SRGAP3: variants seen among roughly 807,000 people sequenced by gnomAD.
The protein encoded by SRGAP3 is SLIT-ROBO Rho GTPase activating protein 3.
A neutral mutation model predicts 121.1 loss-of-function variants in SRGAP3; 39 were observed. That is an observed-to-expected ratio of 0.32 (90% CI 0.25 to 0.42). The LOEUF is 0.42. Among genes scored for constraint, SRGAP3 ranks in the 10% least tolerant of loss-of-function variants. SRGAP3 has a pLI of 1.00. For missense variants in SRGAP3, 1,213 were observed against 1,470.6 expected, an observed-to-expected ratio of 0.82 and a Z score of 2.86; for synonymous variants, 601 against 570.0, an observed-to-expected ratio of 1.05 and a Z score of -0.77.
chr3:9,283,193 C>T (rs192729521), intron 3 of SRGAP3, among the ~76,000 whole-genome samples: 42 of 152,240 alleles, frequency 2.8e-4, no homozygotes, highest in African/African-American at 9.6e-4. Context: ...CACCCCCCCT[C>T]GGCCTCCCAA....
chr3:9,299,755 C>T (rs1046428633), intron 3 of SRGAP3, among the ~76,000 whole-genome samples: 2 of 151,946 alleles, frequency 1.3e-5, no homozygotes, highest in Admixed American at 6.6e-5. Context: ...ACTAAAAATA[C>T]AAAAATTAGC....
At chr3:9,055,865 G>C (rs750378479) in intron 8 of SRGAP3, among the ~76,000 whole-genome samples, 4 of 150,144 alleles carry the variant, frequency 2.7e-5, no homozygotes, top group Non-Finnish European at 4.4e-5. Flanking sequence ...ACTGAACATA[G>C]AGTCCTATTT....
At chr3:9,006,004 T>C (rs1294156284) in intron 18 of SRGAP3, among the ~76,000 whole-genome samples, 4 of 152,168 alleles carry the variant, frequency 2.6e-5, no homozygotes, top group Non-Finnish European at 2.9e-5. Context: ...CTGAGCCAAA[T>C]GCCGCAAGCC....
At chr3:9,101,990 C>T (rs1261802068) in intron 3 of SRGAP3, among the ~76,000 whole-genome samples, 2 of 152,236 alleles carry the variant, frequency 1.3e-5, no homozygotes, top group Admixed American at 6.5e-5. Flanking sequence ...CCACCTCCCG[C>T]ATCAGTGAGA....
chr3:9,276,994 A>G (rs73021290), intron 3 of SRGAP3, among the ~76,000 whole-genome samples: 10,386 of 152,302 alleles, frequency 0.068, 517 homozygotes, highest in Admixed American at 0.13. Context: ...CTGCTCAGCC[A>G]TTCACAAGAA....
intron 19 of SRGAP3, 67 bp from the exon 20 acceptor site, chr3:8,993,122 C>T: frequency 6.2e-7 from 1 of 1,604,218 alleles, no homozygotes; most frequent in Non-Finnish European, 8.5e-7. Context: ...ACAGAGCTCC[C>T]TGATATGTGT....
At chr3:9,065,270 A>T (rs1946374243) in intron 4 of SRGAP3, 2 of 149,218 alleles carry the variant, frequency 1.3e-5, no homozygotes, top group Non-Finnish European at 2.9e-5. Flanking sequence ...CTTCCATAAT[A>T]AAAAAAATGG....
intron 1 of SRGAP3, among the ~76,000 whole-genome samples, chr3:9,206,966 A>G (rs1054330673): frequency 6.6e-6 from 1 of 152,208 alleles, no homozygotes; most frequent in African/African-American, 2.4e-5. Flanking sequence ...CACCTGGCAC[A>G]TAGTAGATGC....
intron 1 of SRGAP3, among the ~76,000 whole-genome samples, chr3:9,228,748 G>A (rs767343586): frequency 6.6e-6 from 1 of 152,226 alleles, no homozygotes; most frequent in Non-Finnish European, 1.5e-5. Flanking sequence ...GGAGGGTGAT[G>A]TTGACACCTA....
chr3:9,247,575 TTAAGGAGGCCACCCAGCTCCC>T (rs1325687221), intron 1 of SRGAP3, among the ~76,000 whole-genome samples: 2 of 152,152 alleles, frequency 1.3e-5, no homozygotes, highest in African/African-American at 4.8e-5. Context: ...CCCGCTGCTT[TTAAGGAGGCCACCCAGCTCCC>T]TGGGTCATTG....
intron 5 of SRGAP3, among the ~76,000 whole-genome samples, chr3:9,064,166 A>G (rs1176600158): frequency 6.6e-6 from 1 of 152,114 alleles, no homozygotes; most frequent in African/African-American, 2.4e-5. Flanking sequence ...TGACCTTAGC[A>G]CTAAGCCAGG....
chr3:9,327,309 A>G (rs1955537025), intron 2 of SRGAP3, among the ~76,000 whole-genome samples: 2 of 151,844 alleles, frequency 1.3e-5, no homozygotes. Flanking sequence ...TTTAGCCAAC[A>G]TGTTCACACA....
chr3:9,063,124 CTTTTTTTTTTTTTT>C (rs766958753), intron 5 of SRGAP3, among the ~76,000 whole-genome samples: 59 of 80,018 alleles, frequency 7.4e-4, no homozygotes, highest in African/African-American at 3.0e-3. Context: ...TAGAGACAAT[CTTTTTTTTTTTTTT>C]TTTTTTTTTT....
intron 1 of SRGAP3, among the ~76,000 whole-genome samples, chr3:9,189,905 T>G (rs1951702094): frequency 6.6e-6 from 1 of 152,188 alleles, no homozygotes; most frequent in African/African-American, 2.4e-5. Flanking sequence ...AGGAGATGGA[T>G]CTAAGAGTAC....
intron 1 of SRGAP3, among the ~76,000 whole-genome samples, chr3:9,129,177 G>C (rs1280630768): frequency 6.6e-6 from 1 of 151,986 alleles, no homozygotes; most frequent in Non-Finnish European, 1.5e-5. Flanking sequence ...CAATCCTCCT[G>C]CCTTGGCCTT....
At chr3:9,049,028 C>T (rs527667520) in intron 9 of SRGAP3, among the ~76,000 whole-genome samples, 294 of 152,186 alleles carry the variant, frequency 1.9e-3, no homozygotes, top group Non-Finnish European at 2.5e-3. Flanking sequence ...ATGTGCCTGC[C>T]CCAAATCCAC....
chr3:9,210,641 A>G (rs1305072986), intron 1 of SRGAP3, among the ~76,000 whole-genome samples: 2 of 152,120 alleles, frequency 1.3e-5, no homozygotes, highest in Non-Finnish European at 2.9e-5. Flanking sequence ...CCTGGCCAAC[A>G]TGGTGAAACC....
At chr3:9,357,172 G>A (rs951166108) in intron 1 of SRGAP3, among the ~76,000 whole-genome samples, 1 of 152,022 alleles carries the variant, frequency 6.6e-6, no homozygotes, top group African/African-American at 2.4e-5. Flanking sequence ...TTGAGCCTGG[G>A]AGCCAGAGGC....
In SRGAP3 at chr3:8,984,994, G is replaced by C; in HGVS notation, c.*525C>G. ...CTCGGTGGGAGATGTTTGGTGGCAT[G>C]GATCTGAGGTAAATCTAAGTTTCAT... On this transcript the variant is annotated 3_prime_UTR_variant, in exon 22 of 22. Coordinates refer to ENST00000383836, the MANE Select transcript of SRGAP3 (RefSeq NM_014850.4). The C allele has an allele frequency of 4.4e-6, 1 of 228,444 alleles. No homozygotes were observed. Among genetic ancestry groups the C allele is most frequent in the Non-Finnish European group, 8.7e-6 (1 of 114,940 alleles). 14.2% of individuals were successfully genotyped at this position (228,444 alleles called of 1,614,324 possible). A position where few individuals can be genotyped will look rare whatever the true frequency, so the allele number is the denominator to read the frequency against.
Sources: allele counts gnomAD v4.1 joint callset (sites outside exome capture counted in the v4.1 genomes callset), GRCh38; gene constraint gnomAD v4.1.1; transcripts MANE v1.5; gene names NCBI Gene and HGNC (gene_info 2026-07-23, HGNC 2026-07-21).